FRYL: variants seen among roughly 807,000 people sequenced by gnomAD.
The protein encoded by FRYL is protein furry homolog-like.
A neutral mutation model predicts 351.2 loss-of-function variants in FRYL; 150 were observed. The observed-to-expected ratio is 0.43, with a 90% CI of 0.37 to 0.49. The LOEUF is 0.49. Ranked by LOEUF, FRYL falls within the 20% of genes least tolerant of loss-of-function variation. The pLI, the probability that FRYL is intolerant of heterozygous loss-of-function variation, is 0.00. For synonymous variants in FRYL, 1,153 were observed against 1,257.1 expected (o/e 0.92, Z 1.75); for missense variants, 3,036 against 3,619.3 (o/e 0.84, Z 4.13).
chr4:48,521,170 C>T lies in FRYL; in HGVS notation c.7567G>A (p.Asp2523Asn). The T allele has an allele frequency of 6.2e-7, 1 of 1,613,328 alleles. No individual in the cohort carries two copies. Among genetic ancestry groups the T allele is most frequent in the African/African-American group, 1.3e-5 (1 of 74,994 alleles). The change falls in exon 55 of 64, where the codon GAC becomes AAC. Residue 2523 changes from aspartate to asparagine, a missense_variant. Physicochemically the swap from Asp to Asn is conservative, Grantham distance 23 (BLOSUM62 1). This residue lies in a region of FRYL where 1,987 missense variants were observed against 2,311.7 expected (regional missense o/e 0.86). Transcript: ENST00000358350. ...ATDETIPDHPDLLLQSEDSTG... is the reference protein window; with the variant it reads ...ATDETIPDHPNLLLQSEDSTG... ...GAATCTTCAGACTGGAGAAGTAAGTCAGGATGGTCTGGTATTGTTTCATCA... is the reference window on the plus strand; with the variant it reads ...GAATCTTCAGACTGGAGAAGTAAGTTAGGATGGTCTGGTATTGTTTCATCA...
chr4:48,625,779 G>A (rs1248089716), intron 4 of FRYL, among the ~76,000 whole-genome samples: 1 of 152,046 alleles, frequency 6.6e-6, no homozygotes, highest in Non-Finnish European at 1.5e-5. Context: ...GTAACAGGTA[G>A]ACATAAATTT....
intron 27 of FRYL, among the ~76,000 whole-genome samples, chr4:48,568,848 A>G (rs547573479): frequency 1.4e-4 from 22 of 152,198 alleles, no homozygotes; most frequent in Non-Finnish European, 2.4e-4. Context: ...GTACCAGAAT[A>G]AAATCTTCAT....
intron 7 of FRYL, among the ~76,000 whole-genome samples, chr4:48,617,141 T>G (rs748769461): frequency 1.3e-5 from 2 of 152,070 alleles, no homozygotes; most frequent in African/African-American, 2.4e-5. Context: ...AATTAGCGTA[T>G]GGGGATAATA....
At chr4:48,587,491 T>A (rs1742343332) in intron 18 of FRYL, among the ~76,000 whole-genome samples, 1 of 152,136 alleles carries the variant, frequency 6.6e-6, no homozygotes, top group South Asian at 2.1e-4. Context: ...AATAAAATAA[T>A]CCTTATGTAG....
In FRYL at chr4:48,633,672, C is replaced by G. The variant is rs916482217; in HGVS notation, c.120+619G>C. ...AAATGCCCCCTACTTAGTTACTTGT[C>G]AAGTTCTATTGATTTTACTTCTGTT... On this transcript the variant is annotated intron_variant, in intron 4 of 63. Coordinates refer to ENST00000358350, the MANE Select transcript of FRYL (RefSeq NM_015030.2). Among the ~76,000 whole-genome samples, 25 of 152,170 alleles carry G rather than the reference C, an allele frequency of 1.6e-4. 1 individual carries two copies. The highest frequency in any genetic ancestry group is 1.4e-3 in the Admixed American group (21 of 15,260).
rs575218489 is a variant in FRYL at position 48,563,925 on chromosome 4, C to CA, written c.3596+22dup. ...TTTAAGAAAACAGAACAAAATGAAA[C>CA]AAAAAACCTGTATCTAAAGTACCTG... On this transcript the variant is annotated intron_variant, in intron 31 of 63. Coordinates refer to ENST00000358350, the MANE Select transcript of FRYL (RefSeq NM_015030.2). 3.2e-4 allele frequency: 508 copies of CA among 1,592,926 alleles called. 3 individuals carry two copies. The African/African-American group carries it at 6.2e-3, about 19-fold the overall frequency.
chr4:48,530,936 C>T (rs1223588073), intron 50 of FRYL, among the ~76,000 whole-genome samples: 2 of 152,070 alleles, frequency 1.3e-5, no homozygotes, highest in Admixed American at 1.3e-4. Context: ...TAAGTTGTGG[C>T]GTTTCTTTTA....
chr4:48,632,199 ATAC>A (rs1753350243), intron 4 of FRYL, among the ~76,000 whole-genome samples: 1 of 145,642 alleles, frequency 6.9e-6, no homozygotes. Flanking sequence ...GTATCACATG[ATAC>A]TACTATAAAA....
intron 36 of FRYL, among the ~76,000 whole-genome samples, chr4:48,551,926 A>C (rs1441242664): frequency 6.6e-6 from 1 of 152,150 alleles, no homozygotes; most frequent in Admixed American, 6.5e-5. Context: ...AAAAATAGGA[A>C]ACCTGGCTGA....
chr4:48,670,074 A>G lies in FRYL; in HGVS notation c.-81+14599T>C, dbSNP rs191495655. 1.0e-3 allele frequency among the ~76,000 whole-genome samples: 152 copies of G among 152,298 alleles called. 2 individuals carry two copies. In the East Asian group the frequency reaches 0.014, roughly 14 times the overall value. On this transcript the variant is annotated intron_variant, in intron 3 of 63. Transcript: ENST00000358350. Reference sequence around the variant, plus strand: ...AAATGGAGTACCCATCACCTCAAGCATTTATCCTTTGCATTCCAGACAATC... The same window carrying G: ...AAATGGAGTACCCATCACCTCAAGCGTTTATCCTTTGCATTCCAGACAATC...
chr4:48,586,094 G>A (rs145176747), intron 19 of FRYL, among the ~76,000 whole-genome samples: 1 of 152,202 alleles, frequency 6.6e-6, no homozygotes, highest in East Asian at 1.9e-4. Flanking sequence ...CTTAGAATTA[G>A]GAGCTAGTAT....
chr4:48,590,155 T>A (rs1742938057), intron 17 of FRYL, among the ~76,000 whole-genome samples: 1 of 152,106 alleles, frequency 6.6e-6, no homozygotes, highest in South Asian at 2.1e-4. Context: ...GGAAAACTCT[T>A]AACATGAAGA....
At chr4:48,575,687 G>A (rs983605766) in intron 24 of FRYL, among the ~76,000 whole-genome samples, 5 of 152,158 alleles carry the variant, frequency 3.3e-5, no homozygotes, top group South Asian at 2.1e-4. Flanking sequence ...CTAGAAAGGC[G>A]TTTAATTATT....
chr4:48,583,829 C>T (rs1281293727), intron 19 of FRYL, among the ~76,000 whole-genome samples: 7 of 151,358 alleles, frequency 4.6e-5, no homozygotes, highest in South Asian at 2.1e-4. Context: ...TGCTTGAACC[C>T]GGGAGGCAGA....
chr4:48,565,468 A>G, intron 29 of FRYL, 63 bp downstream of exon 29: 2 of 1,282,938 alleles, frequency 1.6e-6, no homozygotes, highest in South Asian at 3.5e-5. Flanking sequence ...CTAGTGACTG[A>G]GAGACTTAAA....
intron 1 of FRYL, among the ~76,000 whole-genome samples, chr4:48,748,859 G>C (rs911050488): frequency 1.3e-5 from 2 of 152,136 alleles, no homozygotes; most frequent in Non-Finnish European, 2.9e-5. Context: ...GATGGCGTAG[G>C]GGTTGCAATT....
intron 1 of FRYL, among the ~76,000 whole-genome samples, chr4:48,751,182 G>A (rs1020639616): frequency 7.2e-5 from 11 of 151,896 alleles, no homozygotes; most frequent in Non-Finnish European, 1.6e-4. Context: ...CAGTAATAAA[G>A]TACAGGTACA....
chr4:48,638,563 T>A (rs1406882487), intron 3 of FRYL: 1 of 152,140 alleles, frequency 6.6e-6, no homozygotes, highest in South Asian at 2.1e-4. Context: ...TCCTCAAGGA[T>A]CTGGAACCAG....
chr4:48,543,036 T>C (rs1341873266), intron 44 of FRYL, among the ~76,000 whole-genome samples: 8 of 152,130 alleles, frequency 5.3e-5, no homozygotes, highest in African/African-American at 1.7e-4. Context: ...CTGCAACACA[T>C]CCTGCAATGT....
Sources: allele counts gnomAD v4.1 joint callset (sites outside exome capture counted in the v4.1 genomes callset), GRCh38; gene constraint gnomAD v4.1.1; regional missense constraint gnomAD v4.1.1; transcripts MANE v1.5; gene names NCBI Gene and HGNC (gene_info 2026-07-23, HGNC 2026-07-21).